Variants in EPS15L1 observed in about 807,000 individuals in gnomAD.
EPS15L1 encodes the protein epidermal growth factor receptor pathway substrate 15 like 1, also known as epidermal growth factor receptor substrate 15-like 1.
In EPS15L1, 43 loss-of-function variants were observed where a neutral mutation model predicts 117.1. The observed-to-expected ratio is 0.37, with a 90% confidence interval of 0.29 to 0.47. EPS15L1 has a LOEUF of 0.47. EPS15L1 is among the 20% of genes least tolerant of loss of function. The pLI, the probability that EPS15L1 is intolerant of heterozygous loss-of-function variation, is 0.99. For synonymous variants in EPS15L1, 459 were observed against 470.5 expected (o/e 0.98, Z 0.32); for missense variants, 981 against 1,164.0 (o/e 0.84, Z 2.29).
At chr19:16,424,424 G>C (rs1040693576) in intron 9 of EPS15L1, among the ~76,000 whole-genome samples, 5 of 152,056 alleles carry the variant, frequency 3.3e-5, no homozygotes, top group Non-Finnish European at 7.4e-5. Context: ...ATGACGCTGG[G>C]TGACCTGTGC....
chr19:16,435,357 G>A (rs2092968561), intron 6 of EPS15L1: 1 of 152,166 alleles, frequency 6.6e-6, no homozygotes, highest in African/African-American at 2.4e-5. Context: ...GGGAGTCACA[G>A]TTCCTGCTGT....
chr19:16,370,545 C>T lies in EPS15L1; in HGVS notation c.2380+6577G>A, dbSNP rs1289631150. ...CACCCCACCCTGCAGCCCCCCAGGC[C>T]TCAGCATTTGCACCCCACTGAACAC... On this transcript the variant is annotated intron_variant, in intron 22 of 23. Transcript: ENST00000455140. This position sits in a 1 kb window ranked among gnomAD's most constrained non-coding sequence, Gnocchi z 5.2. 6.6e-6 allele frequency among the ~76,000 whole-genome samples: 1 copy of T among 152,162 alleles called. No homozygotes were observed. The highest frequency in any genetic ancestry group is 1.5e-5 in the Non-Finnish European group (1 of 68,022).
intron 16 of EPS15L1, among the ~76,000 whole-genome samples, chr19:16,400,336 CA>C (rs1162302779): frequency 3.2e-3 from 192 of 60,666 alleles, no homozygotes; most frequent in African/African-American, 9.5e-3. Context: ...GACTCCGTCT[CA>C]AAAAAAAAAA....
intron 22 of EPS15L1, among the ~76,000 whole-genome samples, chr19:16,367,653 A>G (rs1310904694): frequency 6.6e-6 from 1 of 150,690 alleles, no homozygotes; most frequent in Non-Finnish European, 1.5e-5. Flanking sequence ...CTGCTGCACT[A>G]GCGTTCTTGG....
chr19:16,375,548 G>A (rs1263745487), intron 22 of EPS15L1, among the ~76,000 whole-genome samples: 1 of 152,148 alleles, frequency 6.6e-6, no homozygotes, highest in African/African-American at 2.4e-5. Flanking sequence ...GTTCCATCAG[G>A]AAGCCAACAA....
rs1364495658 is a variant in EPS15L1 at position 16,405,956 on chromosome 19, G to A, written c.1267-1207C>T. Among the ~76,000 whole-genome samples the A allele has an allele frequency of 2.6e-5, 4 of 152,234 alleles. No individual in the cohort carries two copies. The highest frequency in any genetic ancestry group is 4.8e-5 in the African/African-American group (2 of 41,464). ...GCGTGGTGCAAGGGGCCATCAGGACGCAGGAACTGCAGGGGCCTCGGGTGG... is the reference window on the plus strand; with the variant it reads ...GCGTGGTGCAAGGGGCCATCAGGACACAGGAACTGCAGGGGCCTCGGGTGG... On this transcript the variant is annotated intron_variant, in intron 13 of 23. Coordinates refer to ENST00000455140, the MANE Select transcript of EPS15L1 (RefSeq NM_001258374.3). The surrounding 1 kb of genome is among the most constrained non-coding windows in gnomAD (Gnocchi z 4.0).
intron 23 of EPS15L1, 194 bp downstream of exon 23, chr19:16,361,585 C>T (rs1409657672): frequency 1.2e-5 from 13 of 1,091,190 alleles, no homozygotes; most frequent in Non-Finnish European, 1.5e-5. Flanking sequence ...AACTGCGGCT[C>T]TTTTTTTTTT....
At chr19:16,395,046 C>T (rs1388757225) in intron 17 of EPS15L1, among the ~76,000 whole-genome samples, 1 of 151,902 alleles carries the variant, frequency 6.6e-6, no homozygotes, top group Non-Finnish European at 1.5e-5. Context: ...ACAGTGAAAC[C>T]CCAACTCTAC....
At chr19:16,431,572 G>T (rs1200801078) in intron 7 of EPS15L1, among the ~76,000 whole-genome samples, 4 of 152,118 alleles carry the variant, frequency 2.6e-5, no homozygotes, top group Non-Finnish European at 5.9e-5. Flanking sequence ...AAAGTGCTGG[G>T]ATTACATGCG....
intron 22 of EPS15L1, among the ~76,000 whole-genome samples, chr19:16,364,815 C>G (rs3786581): frequency 0.17 from 26,597 of 152,142 alleles, 2,448 homozygotes; most frequent in African/African-American, 0.22. Flanking sequence ...GGCCCCTCAC[C>G]TCCACCCTCC....
chr19:16,468,352 C>A (rs2093320956), intron 1 of EPS15L1, among the ~76,000 whole-genome samples: 1 of 152,158 alleles, frequency 6.6e-6, no homozygotes, highest in South Asian at 2.1e-4. Context: ...GTCATCAAAG[C>A]TGACTTTTTT....
rs755907271 is a variant in EPS15L1, at chr19:16,382,622, CT to C, written c.2247+2506del. On this transcript the variant is annotated intron_variant, in intron 21 of 23. Coordinates refer to ENST00000455140, the MANE Select transcript of EPS15L1 (RefSeq NM_001258374.3). ...GACTAACCCAGTATTTCACAGATGG[CT>C]TTTTTTTTTTTTCAGGGCAGAAGAG... Among the ~76,000 whole-genome samples the C allele has an allele frequency of 7.8e-3, 1,093 of 140,702 alleles. 4 individuals are homozygous for C. The highest frequency in any genetic ancestry group is 0.018 in the Middle Eastern group (5 of 276). The allele number at this position is 140,702 out of a possible 152,430, so 92.3% of individuals were successfully genotyped here.
chr19:16,422,920 T>C (rs1008516335), intron 9 of EPS15L1, among the ~76,000 whole-genome samples: 1 of 137,274 alleles, frequency 7.3e-6, no homozygotes, highest in African/African-American at 2.8e-5. Flanking sequence ...ATTGTGCCAC[T>C]GCACTCCAGC....
At chr19:16,417,919 A>AC (rs755100659) in intron 11 of EPS15L1, 29 bp downstream of exon 11, 2 of 1,592,660 alleles carry the variant, frequency 1.3e-6, no homozygotes, top group East Asian at 4.5e-5. Context: ...GGATGTCAAT[A>AC]CCCCCAGGGC....
intron 19 of EPS15L1, among the ~76,000 whole-genome samples, chr19:16,391,371 G>T (rs117314160): frequency 6.6e-6 from 1 of 152,104 alleles, no homozygotes; most frequent in African/African-American, 2.4e-5. Flanking sequence ...AGGTCTTAAG[G>T]ACATTAAAAA....
At chr19:16,459,182 C>T (rs908570511) in intron 1 of EPS15L1, among the ~76,000 whole-genome samples, 2 of 152,216 alleles carry the variant, frequency 1.3e-5, no homozygotes, top group East Asian at 1.9e-4. Context: ...CATGGTTATG[C>T]GGTGCGTGAC....
At chr19:16,469,274 G>A (rs1014905381) in intron 1 of EPS15L1, among the ~76,000 whole-genome samples, 1 of 152,094 alleles carries the variant, frequency 6.6e-6, no homozygotes, top group South Asian at 2.1e-4. Context: ...CTGAAATTAG[G>A]GGACAAGAAG....
intron 6 of EPS15L1, 136 bp downstream of exon 6, chr19:16,436,801 A>G (rs957038745): frequency 3.0e-6 from 2 of 670,688 alleles, no homozygotes; most frequent in African/African-American, 3.6e-5. Context: ...ACTGAGACAG[A>G]AGAGCTGACA....
At chr19:16,367,497 TAAAAAAAAAAAAA>T (rs71178691) in intron 22 of EPS15L1, among the ~76,000 whole-genome samples, 2 of 65,310 alleles carry the variant, frequency 3.1e-5, no homozygotes, top group Non-Finnish European at 5.3e-5. Context: ...TATGTGCTGT[TAAAAAAAAAAAAA>T]AAAAAAAAAA....
Sources: allele counts gnomAD v4.1 joint callset (sites outside exome capture counted in the v4.1 genomes callset), GRCh38; gene constraint gnomAD v4.1.1; non-coding constraint Gnocchi (gnomAD v3.1); transcripts MANE v1.5; gene names NCBI Gene and HGNC (gene_info 2026-07-23, HGNC 2026-07-21).